SRBD1: variants seen among roughly 807,000 people sequenced by gnomAD.
SRBD1 encodes the protein S1 RNA-binding domain-containing protein 1.
A neutral mutation model predicts 115.3 loss-of-function variants in SRBD1; 88 were observed. That is an observed-to-expected ratio of 0.76 (90% confidence interval 0.64 to 0.91). SRBD1 has a LOEUF of 0.91. Among genes scored for constraint, SRBD1 ranks in the 40% least tolerant of loss-of-function variants. The probability of loss-of-function intolerance (pLI) is 0.00; values close to 1 mark genes in which losing one functional copy is unlikely to be tolerated. For missense variants in SRBD1, 1,385 were observed against 1,177.4 expected, an observed-to-expected ratio of 1.18 and a Z score of -2.58; for synonymous variants, 509 against 407.7, an observed-to-expected ratio of 1.25 and a Z score of -2.99.
chr2:45,572,616 G>C (rs1199830686), intron 9 of SRBD1, among the ~76,000 whole-genome samples: 3 of 151,848 alleles, frequency 2.0e-5, no homozygotes, highest in Non-Finnish European at 4.4e-5. Flanking sequence ...GCCATACAAA[G>C]AAATAAAGAA....
intron 1 of SRBD1, among the ~76,000 whole-genome samples, chr2:45,609,553 T>C (rs772164211): frequency 2.5e-4 from 38 of 152,240 alleles, no homozygotes; most frequent in Non-Finnish European, 3.5e-4. Flanking sequence ...CACATTTTTA[T>C]GAGGCCTTTG....
chr2:45,528,162 T>C (rs915497424), intron 14 of SRBD1, among the ~76,000 whole-genome samples: 6 of 151,982 alleles, frequency 3.9e-5, no homozygotes, highest in African/African-American at 1.4e-4. Context: ...CCTTAATAAA[T>C]GGCATCACAA....
chr2:45,502,039 C>A (rs896189924), intron 14 of SRBD1, among the ~76,000 whole-genome samples: 2 of 152,200 alleles, frequency 1.3e-5, no homozygotes, highest in African/African-American at 2.4e-5. Context: ...AGGCACCCCC[C>A]AGTAGGGGCA....
chr2:45,437,647 G>A (rs904579971), intron 16 of SRBD1, among the ~76,000 whole-genome samples: 1 of 152,164 alleles, frequency 6.6e-6, no homozygotes, highest in East Asian at 1.9e-4. Flanking sequence ...AAGATCACCT[G>A]AGCTCAGGAG....
intron 14 of SRBD1, among the ~76,000 whole-genome samples, chr2:45,500,784 G>A (rs1670608360): frequency 6.6e-6 from 1 of 152,150 alleles, no homozygotes; most frequent in South Asian, 2.1e-4. Context: ...TCACTTCTAA[G>A]AGTTTTTTGG....
intron 14 of SRBD1, among the ~76,000 whole-genome samples, chr2:45,502,805 G>A (rs1201449200): frequency 6.6e-6 from 1 of 151,584 alleles, no homozygotes; most frequent in African/African-American, 2.4e-5. Flanking sequence ...TTGTGGACAT[G>A]TACCCTAGAA....
chr2:45,477,234 T>TC (rs899850917), intron 15 of SRBD1, among the ~76,000 whole-genome samples, 159 bp from the exon 16 acceptor site: 5 of 152,132 alleles, frequency 3.3e-5, no homozygotes, highest in African/African-American at 1.2e-4. Flanking sequence ...TTCTCTTTTT[T>TC]CCCCACACAA....
In SRBD1 at chr2:45,488,154, T is replaced by G. The variant is rs1670176718; in HGVS notation, c.1966+86A>C. 3 of 1,178,232 alleles carry G rather than the reference T, an allele frequency of 2.5e-6. No individual in the cohort carries two copies. The Admixed American group carries it at 5.8e-5, about 23-fold the overall frequency. The allele number at this position is 1,178,232 out of a possible 1,614,324, so 73.0% of individuals were successfully genotyped here. A position where few individuals can be genotyped will look rare whatever the true frequency, so the allele number is the denominator to read the frequency against. ...CATGTAGTATAACTTTTAAATTTTC[T>G]TTGATATTTAGAATATTTAGCATGC... On this transcript the variant is annotated intron_variant, in intron 15 of 20. Coordinates refer to ENST00000263736, the MANE Select transcript of SRBD1 (RefSeq NM_018079.5).
At chr2:45,446,796 G>T (rs1485803504) in intron 16 of SRBD1, among the ~76,000 whole-genome samples, 1 of 151,894 alleles carries the variant, frequency 6.6e-6, no homozygotes, top group African/African-American at 2.4e-5. Context: ...ATGAGCATCA[G>T]ACTGCCATCA....
At chr2:45,447,447 A>T (rs1253946284) in intron 16 of SRBD1, 1 of 41,138 alleles carries the variant, frequency 2.4e-5, no homozygotes, top group African/African-American at 2.4e-4. Flanking sequence ...GCTCTATCTC[A>T]AAAACAAAAA....
At position 45,553,676 on chromosome 2, in the gene SRBD1, T is replaced by G; in HGVS notation, c.1464A>C (p.Ser488=). 6.2e-7 allele frequency: 1 copy of G among 1,608,408 alleles called. No homozygotes were observed. Among genetic ancestry groups the G allele is most frequent in the Non-Finnish European group, 8.5e-7 (1 of 1,177,702 alleles). Residue 488 remains serine, a synonymous_variant, in exon 11 of 21, where the codon TCA becomes TCC. Coordinates refer to ENST00000263736, the MANE Select transcript of SRBD1 (RefSeq NM_018079.5). ...RPELMKILYN[S]LNDSFKRLIY... Reference sequence around the variant, plus strand: ...TAAGGCGTTTAAAGGAATCATTCAGTGAATTATATAAGATCTTCATTAACT... The same window carrying G: ...TAAGGCGTTTAAAGGAATCATTCAGGGAATTATATAAGATCTTCATTAACT...
intron 4 of SRBD1, among the ~76,000 whole-genome samples, chr2:45,590,311 C>T (rs574701727): frequency 6.6e-6 from 1 of 152,292 alleles, no homozygotes; most frequent in East Asian, 1.9e-4. Context: ...AGCTTTGAAA[C>T]GAAGACAATA....
chr2:45,602,005 C>A lies in SRBD1; in HGVS notation c.159G>T (p.Gln53His). ...TTGGTTTGGATTCCTTGGGAGGGGG[C>A]TGTTTACGGCTTCTGGGAACTTTCT... is the stretch of plus-strand genomic sequence containing the variant. ...PQKKVPRSRK[Q>H]PPPKESKPKR... The change falls in exon 3 of 21, where the codon CAG becomes CAT. Residue 53 changes from glutamine (Q) to histidine (H), a missense_variant. By Grantham distance (24) the Gln-to-His change is conservative. Transcript: ENST00000263736. The A allele has an allele frequency of 6.2e-7, 1 of 1,614,220 alleles. No individual in the cohort carries two copies. The highest frequency in any genetic ancestry group is 8.5e-7 in the Non-Finnish European group (1 of 1,180,024).
intron 6 of SRBD1, 54 bp from the exon 7 acceptor site, chr2:45,580,067 A>G: frequency 7.1e-7 from 1 of 1,402,950 alleles, no homozygotes. Flanking sequence ...ACAAAAGTTA[A>G]AACTAGGTTA....
rs774683009 is a variant in SRBD1 at position 45,389,187 on chromosome 2, A to C, written c.*123T>G. Reference sequence around the variant, plus strand: ...AAAAAATAAAGGAAAGTGTTTGGAAAATATTTCTGATATTAAGTGAATTAT... The same window carrying C: ...AAAAAATAAAGGAAAGTGTTTGGAACATATTTCTGATATTAAGTGAATTAT... On this transcript the variant is annotated 3_prime_UTR_variant, in exon 21 of 21. Transcript: ENST00000263736. 1.1e-5 allele frequency: 13 copies of C among 1,170,010 alleles called. No individual in the cohort carries two copies. Among genetic ancestry groups the C allele is most frequent in the Non-Finnish European group, 1.2e-5 (10 of 843,334 alleles). The allele number at this position is 1,170,010 out of a possible 1,614,324, so 72.5% of individuals were successfully genotyped here.
Position 45,389,312 on chromosome 2 carries a change from A to T in SRBD1, c.2986T>A (p.Ter996ArgextTer29). Residue 996 changes from the stop codon to arginine, a stop_lost, in exon 21 of 21, where the codon TGA (stop) becomes AGA (arginine). Coordinates refer to ENST00000263736, the MANE Select transcript of SRBD1 (RefSeq NM_018079.5). Reference protein sequence around the residue: ...RITLDLIRVL* With the variant: ...RITLDLIRVLR Reference sequence around the variant, plus strand: ...AGCGTCTGGCCTTCGTGGGATACTCATAACACCCGAATGAGGTCCAGAGTA... The same window carrying T: ...AGCGTCTGGCCTTCGTGGGATACTCTTAACACCCGAATGAGGTCCAGAGTA... 1 of 1,613,000 alleles carries T rather than the reference A, an allele frequency of 6.2e-7. No individual in the cohort carries two copies. Among genetic ancestry groups the T allele is most frequent in the Non-Finnish European group, 8.5e-7 (1 of 1,179,210 alleles).
intron 14 of SRBD1, among the ~76,000 whole-genome samples, chr2:45,537,296 C>G (rs909084445): frequency 3.3e-5 from 5 of 152,182 alleles, no homozygotes; most frequent in African/African-American, 1.2e-4. Context: ...AATTGTACTT[C>G]TTGTCACTAT....
chr2:45,420,709 C>T (rs1572621318), intron 16 of SRBD1, among the ~76,000 whole-genome samples: 1 of 152,146 alleles, frequency 6.6e-6, no homozygotes. Context: ...CAAGGTTTTC[C>T]ATGCAGTATT....
intron 4 of SRBD1, among the ~76,000 whole-genome samples, chr2:45,593,812 A>C (rs1673799495): frequency 6.6e-6 from 1 of 152,158 alleles, no homozygotes. Context: ...TACACACACA[A>C]GTTTCCTTAC....
Sources: allele counts gnomAD v4.1 joint callset (sites outside exome capture counted in the v4.1 genomes callset), GRCh38; gene constraint gnomAD v4.1.1; transcripts MANE v1.5; gene names NCBI Gene and HGNC (gene_info 2026-07-23, HGNC 2026-07-21).